UROS: variants seen among roughly 807,000 people sequenced by gnomAD.
The protein encoded by UROS is uroporphyrinogen-III synthase.
UROS carries 18 observed loss-of-function variants against 33.0 expected under a neutral mutation model. That is an observed-to-expected ratio of 0.55 (90% confidence interval 0.38 to 0.81). UROS has a LOEUF of 0.81. Among genes scored for constraint, UROS ranks in the 30% least tolerant of loss-of-function variants. The probability of loss-of-function intolerance (pLI) is 0.00; values close to 1 mark genes in which losing one functional copy is unlikely to be tolerated. For synonymous variants in UROS, 114 were observed against 121.1 expected, an observed-to-expected ratio of 0.94 and a Z score of 0.38; for missense variants, 293 against 314.9, an observed-to-expected ratio of 0.93 and a Z score of 0.53.
intron 1 of UROS, among the ~76,000 whole-genome samples, chr10:125,817,017 C>T (rs752939182): frequency 3.3e-5 from 5 of 152,122 alleles, no homozygotes; most frequent in Admixed American, 1.3e-4. Context: ...ACATGGAAAA[C>T]GATTTGTTGA....
rs191896334 is a variant in UROS, at chr10:125,817,680, G to A, written c.-26-1155C>T. Reference sequence around the variant, plus strand: ...AGGCACTATTCTAAGAGCTTCACATGCATTAAGTCCACCTACGAGGCTTAG... The same window carrying A: ...AGGCACTATTCTAAGAGCTTCACATACATTAAGTCCACCTACGAGGCTTAG... On this transcript the variant is annotated intron_variant, in intron 1 of 9. Transcript: ENST00000368797. 6.6e-4 allele frequency among the ~76,000 whole-genome samples: 100 copies of A among 152,128 alleles called. 1 individual carries two copies. Among genetic ancestry groups the A allele is most frequent in the Non-Finnish European group, 1.1e-3 (75 of 68,012 alleles).
In UROS at chr10:125,796,114, A is replaced by G. The variant is rs1321142198; in HGVS notation, c.550T>C (p.Tyr184His). 2 of 1,614,062 alleles carry G rather than the reference A, an allele frequency of 1.2e-6. No homozygotes were observed. Among genetic ancestry groups the G allele is most frequent in the Non-Finnish European group, 1.7e-6 (2 of 1,180,032 alleles). The change falls in exon 8 of 10, where the codon TAT (tyrosine) becomes CAT (histidine). Residue 184 changes from tyrosine (Y) to histidine (H), a missense_variant. Coordinates refer to ENST00000368797, the MANE Select transcript of UROS (RefSeq NM_000375.3). ...CAAACGCCACGTACCTGCTGGGAAT[A>G]GTAGCTGTTCAGGTTCCCTTGGATT... ...PGIQGNLNSY[Y>H]SQQGVPASIT...
At chr10:125,789,754 A>G (rs560630221) in intron 9 of UROS, among the ~76,000 whole-genome samples, 2 of 152,296 alleles carry the variant, frequency 1.3e-5, no homozygotes, top group East Asian at 3.9e-4. Flanking sequence ...TTCTGTGCAG[A>G]GCCTCGCCTG....
chr10:125,812,080 A>G, intron 5 of UROS, 134 bp downstream of exon 5: 1 of 736,360 alleles, frequency 1.4e-6, no homozygotes. Context: ...TCTTATCAGT[A>G]GTATCGTATA....
intron 5 of UROS, among the ~76,000 whole-genome samples, chr10:125,810,574 T>C (rs1224143089): frequency 6.6e-6 from 1 of 152,230 alleles, no homozygotes; most frequent in African/African-American, 2.4e-5. Flanking sequence ...TAAATGCCTG[T>C]TTCTAGCTAG....
At chr10:125,785,169 T>C (rs1228499611), downstream of UROS, 1 of 152,248 alleles carries the variant, frequency 6.6e-6, no homozygotes, top group Non-Finnish European at 1.5e-5. Context: ...GGATAGTTTT[T>C]GTGCCCACAG....
rs149358443 is a variant in UROS at position 125,808,565 on chromosome 10, C to T, written c.320-1078G>A. On this transcript the variant is annotated intron_variant, in intron 5 of 9. Coordinates refer to ENST00000368797, the MANE Select transcript of UROS (RefSeq NM_000375.3). Reference sequence around the variant, plus strand: ...CTGAGACATAAGAACTTAGCAGTGACGCTGGTAATCAATATTGACATAAAT... The same window carrying T: ...CTGAGACATAAGAACTTAGCAGTGATGCTGGTAATCAATATTGACATAAAT... Among the ~76,000 whole-genome samples the T allele has an allele frequency of 2.6e-3, 395 of 152,334 alleles. 3 individuals are homozygous for T. The highest frequency in any genetic ancestry group is 8.2e-3 in the African/African-American group (339 of 41,580).
intron 9 of UROS, chr10:125,792,931 T>A (rs558511768): frequency 6.6e-6 from 1 of 152,438 alleles, no homozygotes; most frequent in African/African-American, 2.4e-5. Flanking sequence ...AAGCAGTCCA[T>A]AGTCACTGTG....
intron 5 of UROS, among the ~76,000 whole-genome samples, chr10:125,808,135 C>T (rs1223684051): frequency 2.6e-5 from 4 of 152,214 alleles, no homozygotes; most frequent in Non-Finnish European, 5.9e-5. Flanking sequence ...CAGACTCAGG[C>T]TCCCCCTGCA....
chr10:125,802,349 T>C lies in UROS; in HGVS notation c.395-4204A>G, dbSNP rs138574052. 1.0e-3 allele frequency: 1,029 copies of C among 985,878 alleles called. 4 individuals are homozygous for C. The African/African-American group carries it at 0.016, about 15-fold the overall frequency. The allele number at this position is 985,878 out of a possible 1,614,324, so 61.1% of individuals were successfully genotyped here. On this transcript the variant is annotated intron_variant, in intron 6 of 9. Transcript: ENST00000368797. ...CTGTCTGTGGCTTCCCTGCAGCTAT[T>C]TCAACACCTGGCTGAATAAAAGAGA...
downstream of UROS, among the ~76,000 whole-genome samples, chr10:125,787,844 G>C (rs1055694658): frequency 2.0e-5 from 3 of 152,128 alleles, no homozygotes; most frequent in African/African-American, 2.4e-5. Context: ...CAACTAGTGT[G>C]AATCTCCTAC....
chr10:125,814,937 C>A (rs1853163450), intron 4 of UROS, 97 bp downstream of exon 4: 1 of 1,376,178 alleles, frequency 7.3e-7, no homozygotes, highest in African/African-American at 1.4e-5. Flanking sequence ...GCACTCACTT[C>A]TCTTAGAAGT....
intron 6 of UROS, among the ~76,000 whole-genome samples, chr10:125,805,809 C>T (rs1274512334): frequency 2.6e-5 from 4 of 152,072 alleles, no homozygotes; most frequent in East Asian, 3.8e-4. Context: ...ACACGCTGGG[C>T]ACTCAGTAAA....
intron 1 of UROS, among the ~76,000 whole-genome samples, chr10:125,817,213 T>C (rs1853408057): frequency 6.7e-6 from 1 of 148,280 alleles, no homozygotes; most frequent in Non-Finnish European, 1.5e-5. Flanking sequence ...AAGCTTCTTG[T>C]TTATAGATGT....
In UROS at chr10:125,796,779, A is replaced by G. The variant is rs916622237; in HGVS notation, c.476-591T>C. On this transcript the variant is annotated intron_variant, in intron 7 of 9. Coordinates refer to ENST00000368797, the MANE Select transcript of UROS (RefSeq NM_000375.3). ...GCTGGTGATGAGGCGCTAGGCACTG[A>G]AGGGACTCACGCAATTTCAGTCAGA... is the stretch of plus-strand genomic sequence containing the variant. The G allele has an allele frequency of 3.0e-6, 3 of 985,272 alleles. No individual in the cohort carries two copies. The African/African-American group carries it at 5.2e-5, about 17-fold the overall frequency. 61.0% of individuals were successfully genotyped at this position (985,272 alleles called of 1,614,324 possible). A position where few individuals can be genotyped will look rare whatever the true frequency, so the allele number is the denominator to read the frequency against.
chr10:125,796,173 C>G lies in UROS; in HGVS notation c.491G>C (p.Ser164Thr), dbSNP rs1379304919. The change falls in exon 8 of 10, where the codon AGC becomes ACC. Residue 164 changes from serine (S) to threonine (T), a missense_variant. Physicochemically the swap from Ser to Thr is moderately conservative, Grantham distance 58 (BLOSUM62 1). Coordinates refer to ENST00000368797, the MANE Select transcript of UROS (RefSeq NM_000375.3). Reference sequence around the variant, plus strand: ...TGCAACTGTCTGATACACAGTTATGCTTTCCATGGCAATCCCTGGGCACAA... The same window carrying G: ...TGCAACTGTCTGATACACAGTTATGGTTTCCATGGCAATCCCTGGGCACAA... ...ALKDKGIAMESITVYQTVAHP... is the reference protein window; with the variant it reads ...ALKDKGIAMETITVYQTVAHP... 1 of 1,614,070 alleles carries G rather than the reference C, an allele frequency of 6.2e-7. No individual in the cohort carries two copies. The highest frequency in any genetic ancestry group is 1.7e-5 in the Admixed American group (1 of 59,996).
intron 6 of UROS, among the ~76,000 whole-genome samples, chr10:125,805,491 C>G (rs889977557): frequency 6.6e-6 from 1 of 152,096 alleles, no homozygotes; most frequent in African/African-American, 2.4e-5. Context: ...GCCTTGGACC[C>G]CCAAGAGTCT....
downstream of UROS, among the ~76,000 whole-genome samples, chr10:125,787,505 G>A (rs1049126990): frequency 6.6e-5 from 10 of 152,084 alleles, no homozygotes; most frequent in African/African-American, 1.2e-4. Context: ...CCTGGAGAGC[G>A]TCTAACACCT....
Position 125,816,443 on chromosome 10 carries a change from AT to A in UROS, c.56del (p.Tyr19LeufsTer5). The A allele has an allele frequency of 1.2e-6, 2 of 1,614,198 alleles. No homozygotes were observed. Among genetic ancestry groups the A allele is most frequent in the East Asian group, 4.5e-5 (2 of 44,888 alleles). ...GGAGTCTCAGGCCACTTACCCTGAT[AT>A]ACGGATCCTGGCCACAGTCATCTTC... ...AKEDDCGQDPYIRELGLYGLE... is the reference protein window; with the variant it reads ...AKEDDCGQDPXIRELGLYGLE... On this transcript the variant is annotated frameshift_variant, in exon 2 of 10. Transcript: ENST00000368797. LOFTEE classifies it high-confidence loss of function.
Sources: allele counts gnomAD v4.1 joint callset (sites outside exome capture counted in the v4.1 genomes callset), GRCh38; gene constraint gnomAD v4.1.1; transcripts MANE v1.5; gene names NCBI Gene and HGNC (gene_info 2026-07-23, HGNC 2026-07-21).